Variants in DOCK1 observed in about 807,000 individuals in gnomAD.
DOCK1 encodes dedicator of cytokinesis protein 1.
A neutral mutation model predicts 262.7 loss-of-function variants in DOCK1; 138 were observed. The observed-to-expected ratio is 0.53, with a 90% CI of 0.46 to 0.61. The LOEUF is 0.61. Ranked by LOEUF, DOCK1 falls within the 20% of genes least tolerant of loss-of-function variation. DOCK1 has a pLI of 0.00. For missense variants in DOCK1, 1,908 were observed against 2,370.7 expected (o/e 0.80, Z 4.05); for synonymous variants, 866 against 867.4 (o/e 1.00, Z 0.03).
In DOCK1 at chr10:127,439,005, A is replaced by T. The variant is rs770700205; in HGVS notation, c.5061-22A>T. ...GGAAAGCAATTGCTCTCCTATTAAG[A>T]CGTCATTGACCTTTCCTTTAGGTTT... is the stretch of plus-strand genomic sequence containing the variant. On this transcript the variant is annotated intron_variant, in intron 48 of 51. Coordinates refer to ENST00000623213, the MANE Select transcript of DOCK1 (RefSeq NM_001290223.2). 1.9e-6 allele frequency: 3 copies of T among 1,539,908 alleles called. No individual in the cohort carries two copies. The South Asian group carries it at 3.7e-5, about 19-fold the overall frequency.
intron 27 of DOCK1, among the ~76,000 whole-genome samples, chr10:127,220,691 G>A (rs1255823938): frequency 2.0e-5 from 3 of 152,016 alleles, no homozygotes; most frequent in African/African-American, 4.8e-5. Flanking sequence ...TATGGAGGGC[G>A]GAGGGTGGAG....
At chr10:127,216,995 G>C (rs554725984) in intron 27 of DOCK1, among the ~76,000 whole-genome samples, 1 of 152,288 alleles carries the variant, frequency 6.6e-6, no homozygotes, top group East Asian at 1.9e-4. Flanking sequence ...TCAGGGCAGA[G>C]CCCTTGCTTT....
chr10:126,931,595 TG>T (rs1477960744), intron 1 of DOCK1, among the ~76,000 whole-genome samples: 6 of 152,122 alleles, frequency 3.9e-5, no homozygotes, highest in Non-Finnish European at 7.4e-5. Flanking sequence ...CCACTGGGGT[TG>T]GGGTGGGGCC....
chr10:127,415,160 G>A lies in DOCK1; in HGVS notation c.4437G>A (p.Trp1479Ter). ...GTGTGTTTCCTTTGCAGAATATGTG[G>A]ATCGAGAGAACCATATATACAACTG... ...KNPDNEFANMWIERTIYTTAY... is the reference protein window; with the variant it reads ...KNPDNEFANM The change falls in exon 44 of 52, where the codon TGG becomes TGA. Residue 1479 changes from tryptophan (W) to a stop codon, truncating the protein, a stop_gained. Coordinates refer to ENST00000623213, the MANE Select transcript of DOCK1 (RefSeq NM_001290223.2). LOFTEE classifies it high-confidence loss of function. 6.2e-7 allele frequency: 1 copy of A among 1,613,182 alleles called. No homozygotes were observed. Among genetic ancestry groups the A allele is most frequent in the Non-Finnish European group, 8.5e-7 (1 of 1,179,748 alleles).
At chr10:127,098,354 G>A (rs540878633) in intron 23 of DOCK1, among the ~76,000 whole-genome samples, 11 of 152,288 alleles carry the variant, frequency 7.2e-5, no homozygotes, top group East Asian at 3.9e-4. Flanking sequence ...AGTTTGCACC[G>A]AATGAAGATT....
intron 29 of DOCK1, among the ~76,000 whole-genome samples, chr10:127,286,126 T>C (rs1775038867): frequency 6.6e-6 from 1 of 152,148 alleles, no homozygotes; most frequent in Non-Finnish European, 1.5e-5. Flanking sequence ...GCCTGAATCG[T>C]GTTCATTTCC....
chr10:127,266,241 G>A (rs2060350591), intron 29 of DOCK1, among the ~76,000 whole-genome samples: 1 of 152,150 alleles, frequency 6.6e-6, no homozygotes, highest in Non-Finnish European at 1.5e-5. Context: ...TAAAGCATTT[G>A]GGGCTTGAGA....
At chr10:127,201,848 AG>A (rs1398503373) in intron 27 of DOCK1, among the ~76,000 whole-genome samples, 1 of 152,118 alleles carries the variant, frequency 6.6e-6, no homozygotes, top group African/African-American at 2.4e-5. Context: ...TGGTTTCTAT[AG>A]GGTTTCTTAC....
chr10:127,122,731 C>T (rs1027953791), intron 25 of DOCK1, among the ~76,000 whole-genome samples: 110 of 151,522 alleles, frequency 7.3e-4, no homozygotes, highest in African/African-American at 2.5e-3. Flanking sequence ...TGTTTCTCAT[C>T]AGGAGAGGCT....
At position 127,094,680 on chromosome 10, in the gene DOCK1, T is replaced by C. The variant is rs141959685; in HGVS notation, c.2446-11551T>C. ...CTGCACACACTTATCTTCTACCCAC[T>C]TCTGTTCCCGAAGGGCTCCATTTTG... On this transcript the variant is annotated intron_variant, in intron 23 of 51. Transcript: ENST00000623213. Among the ~76,000 whole-genome samples, 34 of 152,332 alleles carry C rather than the reference T, an allele frequency of 2.2e-4. No homozygotes were observed. In the East Asian group the frequency reaches 6.2e-3, roughly 28 times the overall value.
intron 30 of DOCK1, among the ~76,000 whole-genome samples, chr10:127,340,958 T>C (rs1380266157): frequency 1.3e-5 from 2 of 152,264 alleles, no homozygotes; most frequent in African/African-American, 4.8e-5. Context: ...TTTTCTGTAG[T>C]GAAATCTGTT....
At chr10:126,958,569 G>A (rs1363473202) in intron 1 of DOCK1, among the ~76,000 whole-genome samples, 1 of 152,156 alleles carries the variant, frequency 6.6e-6, no homozygotes, top group South Asian at 2.1e-4. Context: ...GTATTCTGGA[G>A]CCGTTGGTGG....
intron 27 of DOCK1, among the ~76,000 whole-genome samples, chr10:127,246,680 T>G (rs576544438): frequency 1.3e-5 from 2 of 152,374 alleles, no homozygotes; most frequent in African/African-American, 4.8e-5. Context: ...ATTTGAGTAA[T>G]GCGTCCTTCG....
chr10:127,256,758 A>G (rs895205107), intron 28 of DOCK1, among the ~76,000 whole-genome samples: 1 of 152,170 alleles, frequency 6.6e-6, no homozygotes, highest in Admixed American at 6.5e-5. Context: ...CATCAGAAGC[A>G]TAACTCGGTA....
intron 27 of DOCK1, among the ~76,000 whole-genome samples, chr10:127,138,852 G>A (rs186853381): frequency 1.3e-5 from 2 of 152,290 alleles, no homozygotes; most frequent in East Asian, 3.9e-4. Flanking sequence ...CTGTCAACTT[G>A]TCTAGAGCCC....
intron 1 of DOCK1, among the ~76,000 whole-genome samples, chr10:126,963,672 T>TCCCC (rs2037453216): frequency 8.9e-6 from 1 of 112,080 alleles, no homozygotes; most frequent in Non-Finnish European, 1.8e-5. Context: ...CCTTCCTTCC[T>TCCCC]CCCTCCCTTC....
intron 1 of DOCK1, among the ~76,000 whole-genome samples, chr10:126,934,973 G>C (rs921725682): frequency 6.6e-6 from 1 of 152,226 alleles, no homozygotes; most frequent in South Asian, 2.1e-4. Context: ...AGCCAGGCAT[G>C]GTGGCAGGCG....
At chr10:126,917,732 G>A (rs2032670056) in intron 1 of DOCK1, among the ~76,000 whole-genome samples, 1 of 152,152 alleles carries the variant, frequency 6.6e-6, no homozygotes, top group South Asian at 2.1e-4. Context: ...ATGGTCTTGA[G>A]TCCTTAGGGC....
At chr10:126,922,529 A>G (rs188671474) in intron 1 of DOCK1, among the ~76,000 whole-genome samples, 37 of 152,290 alleles carry the variant, frequency 2.4e-4, no homozygotes, top group Admixed American at 6.5e-4. Context: ...GGTCCTCACC[A>G]AGAGGATGGT....
Sources: gnomAD v4.1 joint callset for allele counts (sites outside exome capture counted in the v4.1 genomes callset) on GRCh38, gnomAD v4.1.1 for gene constraint, MANE v1.5 for transcripts, NCBI Gene and HGNC (gene_info 2026-07-23, HGNC 2026-07-21) for gene names.